The following NOX4 variants were observed in gnomAD, a reference collection of about 807,000 sequenced individuals.
NOX4 encodes kidney oxidase-1.
In NOX4, 69 loss-of-function variants were observed where a neutral mutation model predicts 87.6. The observed-to-expected ratio is 0.79, with a 90% CI of 0.65 to 0.96. NOX4 has a LOEUF of 0.96. NOX4 is among the 40% of genes least tolerant of loss of function. NOX4 has a pLI of 0.00. For synonymous variants in NOX4, 275 were observed against 238.2 expected, an observed-to-expected ratio of 1.15 and a Z score of -1.42; for missense variants, 680 against 681.5, an observed-to-expected ratio of 1.00 and a Z score of 0.02.
intron 13 of NOX4, among the ~76,000 whole-genome samples, chr11:89,354,374 A>T (rs1937827231): frequency 6.6e-6 from 1 of 152,186 alleles, no homozygotes; most frequent in Non-Finnish European, 1.5e-5. Flanking sequence ...ACCTTCGGGA[A>T]GATGAAGGCA....
chr11:89,401,661 C>T lies in NOX4; in HGVS notation c.846+665G>A, dbSNP rs561288079. ...GAACTAATCGCTGAATACTTATGGA[C>T]GTTTACCAGGAGCAAGCATATTAGT... On this transcript the variant is annotated intron_variant, in intron 9 of 17. Transcript: ENST00000263317. Among the ~76,000 whole-genome samples the T allele has an allele frequency of 3.9e-5, 6 of 152,154 alleles. No homozygotes were observed. In the South Asian group the frequency reaches 6.2e-4, roughly 16 times the overall value.
chr11:89,494,105 C>A (rs1287709954), upstream of NOX4, among the ~76,000 whole-genome samples: 1 of 152,080 alleles, frequency 6.6e-6, no homozygotes, highest in Non-Finnish European at 1.5e-5. Flanking sequence ...CTAGGAAAGG[C>A]CATTCTTGAA....
chr11:89,576,532 CTTATATTT>C, the NOX4 span, among the ~76,000 whole-genome samples: 1 of 152,128 alleles, frequency 6.6e-6, no homozygotes, highest in Admixed American at 6.6e-5. Flanking sequence ...CTAGCTTCTT[CTTATATTT>C]TTATATCCCT....
chr11:89,398,385 C>T (rs1349341896), intron 11 of NOX4, among the ~76,000 whole-genome samples: 1 of 151,932 alleles, frequency 6.6e-6, no homozygotes, highest in African/African-American at 2.4e-5. Context: ...AAACTGGAAG[C>T]ATTCCCTTTG....
chr11:89,337,388 C>A, intron 16 of NOX4, 59 bp downstream of exon 16: 7 of 1,604,408 alleles, frequency 4.4e-6, no homozygotes, highest in Non-Finnish European at 6.0e-6. Context: ...CACCACAGCT[C>A]CTACAGTAAA....
chr11:89,429,302 A>G (rs1488486857), intron 7 of NOX4, among the ~76,000 whole-genome samples: 2 of 152,184 alleles, frequency 1.3e-5, no homozygotes, highest in Admixed American at 6.5e-5. Flanking sequence ...TAAAAGAACT[A>G]GAGAAGCAAG....
At chr11:89,557,663 G>T in the NOX4 span, among the ~76,000 whole-genome samples, 1 of 152,096 alleles carries the variant, frequency 6.6e-6, no homozygotes, top group African/African-American at 2.4e-5. Flanking sequence ...ATTGGCACAT[G>T]GAGAAAGGTA....
At chr11:89,435,231 T>C (rs977382219) in intron 6 of NOX4, among the ~76,000 whole-genome samples, 1 of 152,086 alleles carries the variant, frequency 6.6e-6, no homozygotes, top group Admixed American at 6.6e-5. Context: ...AACTAAATGA[T>C]AGAATCCCAG....
chr11:89,382,873 C>T (rs1940399810), intron 11 of NOX4, among the ~76,000 whole-genome samples: 1 of 152,114 alleles, frequency 6.6e-6, no homozygotes, highest in Non-Finnish European at 1.5e-5. Flanking sequence ...CAACCTCTCC[C>T]AAATCAGTTA....
chr11:89,438,898 T>TATATATA (rs1944314345), intron 6 of NOX4, among the ~76,000 whole-genome samples: 2 of 19,900 alleles, frequency 1.0e-4, no homozygotes, highest in Middle Eastern at 0.083. Context: ...TTATATATTA[T>TATATATA]ATATATAATA....
At chr11:89,555,935 A>G in the NOX4 span, among the ~76,000 whole-genome samples, 11 of 152,298 alleles carry the variant, frequency 7.2e-5, no homozygotes, top group African/African-American at 2.4e-4. Context: ...AGAATGTTTA[A>G]ACAATGACAT....
chr11:89,413,481 G>A (rs12800273), intron 8 of NOX4, among the ~76,000 whole-genome samples: 60,955 of 152,012 alleles, frequency 0.4, 12,707 homozygotes, highest in East Asian at 0.56. Flanking sequence ...ATATAACAAC[G>A]GTGTACTATT....
At chr11:89,438,837 TTA>T (rs1234008173) in intron 6 of NOX4, among the ~76,000 whole-genome samples, 1 of 37,148 alleles carries the variant, frequency 2.7e-5, no homozygotes, top group Non-Finnish European at 3.8e-5. Context: ...ATCTTATATA[TTA>T]TATATATTAT....
At chr11:89,387,388 C>A (rs560388334) in intron 11 of NOX4, among the ~76,000 whole-genome samples, 2 of 152,102 alleles carry the variant, frequency 1.3e-5, no homozygotes, top group East Asian at 1.9e-4. Flanking sequence ...AGAACAACCA[C>A]CTTTGACTGT....
chr11:89,347,145 T>C (rs369767650), intron 13 of NOX4, among the ~76,000 whole-genome samples: 9 of 152,304 alleles, frequency 5.9e-5, no homozygotes, highest in African/African-American at 1.2e-4. Flanking sequence ...GAAAATCTTA[T>C]GAATTACTGT....
chr11:89,561,050 CATATATATATATATATATATAT>C, the NOX4 span, among the ~76,000 whole-genome samples: 70 of 28,552 alleles, frequency 2.5e-3, 3 homozygotes, highest in African/African-American at 7.5e-3. Context: ...ATATATCATA[CATATATATATATATATATATAT>C]ATATATATAT....
the NOX4 span, among the ~76,000 whole-genome samples, chr11:89,544,816 C>T: frequency 6.6e-6 from 1 of 151,868 alleles, no homozygotes; most frequent in Non-Finnish European, 1.5e-5. Context: ...TATTTCAAAG[C>T]CACATTGCCC....
At chr11:89,495,262 C>T (rs1456522468), upstream of NOX4, among the ~76,000 whole-genome samples, 1 of 152,154 alleles carries the variant, frequency 6.6e-6, no homozygotes, top group African/African-American at 2.4e-5. Context: ...CATGCATGAG[C>T]CACTGCAACT....
In NOX4 at chr11:89,438,930, TA is replaced by T. The variant is rs1254232706; in HGVS notation, c.475+1757del. Among the ~76,000 whole-genome samples, 150 of 74,768 alleles carry T rather than the reference TA, an allele frequency of 2.0e-3. 1 individual carries two copies. The highest frequency in any genetic ancestry group is 7.3e-3 in the African/African-American group (146 of 20,008). The allele number at this position is 74,768 out of a possible 152,430, so 49.1% of individuals were successfully genotyped here. A position where few individuals can be genotyped will look rare whatever the true frequency, so the allele number is the denominator to read the frequency against. ...AATATATAATATAAAATATATATAA[TA>T]ATATAATATATATTATTTTATATAT... On this transcript the variant is annotated intron_variant, in intron 6 of 17. Transcript: ENST00000263317.
Sources: allele counts gnomAD v4.1 joint callset (sites outside exome capture counted in the v4.1 genomes callset), GRCh38; gene constraint gnomAD v4.1.1; transcripts MANE v1.5; gene names NCBI Gene and HGNC (gene_info 2026-07-23, HGNC 2026-07-21).